Variants in MEF2C observed in about 807,000 individuals in gnomAD.
The protein encoded by MEF2C is myocyte-specific enhancer factor 2C.
In MEF2C, 6 loss-of-function variants were observed where a neutral mutation model predicts 50.5. The ratio of observed to expected loss-of-function variants is 0.12; its 90% CI spans 0.07 to 0.23. The LOEUF (loss-of-function observed/expected upper bound fraction) is 0.23. MEF2C is among the 10% of genes least tolerant of loss of function. MEF2C has a pLI of 1.00. For missense variants in MEF2C, 276 were observed against 605.0 expected, an observed-to-expected ratio of 0.46 and a Z score of 5.70; for synonymous variants, 183 against 228.0, an observed-to-expected ratio of 0.80 and a Z score of 1.78.
At chr5:88,759,446 C>A (rs1034519242) in intron 4 of MEF2C, among the ~76,000 whole-genome samples, 1 of 152,114 alleles carries the variant, frequency 6.6e-6, no homozygotes, top group Admixed American at 6.6e-5. Context: ...CGTGCCATTG[C>A]ACTCCAGCCT....
chr5:88,822,626 C>T (rs1372601313), intron 2 of MEF2C, among the ~76,000 whole-genome samples: 1 of 151,920 alleles, frequency 6.6e-6, no homozygotes, highest in African/African-American at 2.4e-5. Flanking sequence ...TTATAGTTTA[C>T]ACATGAAACA....
rs1755878231 is a variant in MEF2C at position 88,720,330 on chromosome 5, T to G, written c.*2274A>C. On this transcript the variant is annotated 3_prime_UTR_variant, in exon 11 of 11. Transcript: ENST00000504921. ...AGTAGTGGGATATATATGAAATGGTTGATAGATTTTTTTTTTTTAATATAT... is the reference window on the plus strand; with the variant it reads ...AGTAGTGGGATATATATGAAATGGTGGATAGATTTTTTTTTTTTAATATAT... 9.3e-6 allele frequency: 1 copy of G among 107,426 alleles called. No individual in the cohort carries two copies. Among genetic ancestry groups the G allele is most frequent in the South Asian group, 3.5e-4 (1 of 2,850 alleles). 6.7% of individuals were successfully genotyped at this position (107,426 alleles called of 1,614,324 possible). A position where few individuals can be genotyped will look rare whatever the true frequency, so the allele number is the denominator to read the frequency against.
intron 3 of MEF2C, among the ~76,000 whole-genome samples, chr5:88,791,804 G>T (rs1054409911): frequency 2.6e-5 from 4 of 151,786 alleles, no homozygotes; most frequent in Non-Finnish European, 5.9e-5. Flanking sequence ...GTCTTTTAAA[G>T]ATATATAAAC....
chr5:88,812,244 G>C (rs1475504731), intron 2 of MEF2C, among the ~76,000 whole-genome samples: 1 of 152,000 alleles, frequency 6.6e-6, no homozygotes, highest in Non-Finnish European at 1.5e-5. Flanking sequence ...GCTCATTCTT[G>C]TAACCTGACA....
At chr5:88,800,733 A>G (rs773042640) in intron 3 of MEF2C, among the ~76,000 whole-genome samples, 4 of 152,184 alleles carry the variant, frequency 2.6e-5, no homozygotes, top group Non-Finnish European at 4.4e-5. Flanking sequence ...CGTTTTGGGT[A>G]AATATCCCAG....
At chr5:88,850,679 C>CACACACACACGCACACACATAT (rs1820989629) in intron 1 of MEF2C, among the ~76,000 whole-genome samples, 1 of 151,588 alleles carries the variant, frequency 6.6e-6, no homozygotes, top group Non-Finnish European at 1.5e-5. Flanking sequence ...ATCTCTATGA[C>CACACACACACGCACACACATAT]ACACACACAC....
intron 10 of MEF2C, among the ~76,000 whole-genome samples, chr5:88,725,097 T>C (rs911347652): frequency 6.6e-6 from 1 of 152,134 alleles, no homozygotes; most frequent in Admixed American, 6.6e-5. Context: ...GTTTCTTTAA[T>C]ACAGTTTTTG....
At chr5:88,748,040 A>C (rs1464823107) in intron 6 of MEF2C, 2 of 984,096 alleles carry the variant, frequency 2.0e-6, no homozygotes, top group Non-Finnish European at 2.4e-6. Flanking sequence ...CTTGTTTGCT[A>C]ATCACTGTGT....
chr5:88,835,232 G>GA (rs1814605933), intron 1 of MEF2C, among the ~76,000 whole-genome samples: 2 of 152,174 alleles, frequency 1.3e-5, no homozygotes, highest in South Asian at 4.1e-4. Context: ...TAAAATTTGA[G>GA]AAAAAAACAA....
At chr5:88,776,221 T>G (rs527450850) in intron 3 of MEF2C, among the ~76,000 whole-genome samples, 1 of 152,192 alleles carries the variant, frequency 6.6e-6, no homozygotes, top group Non-Finnish European at 1.5e-5. Context: ...AATATTATTT[T>G]AAATTGACAA....
At chr5:88,782,077 T>A (rs1324553144) in intron 3 of MEF2C, 9 of 918,270 alleles carry the variant, frequency 9.8e-6, no homozygotes, top group Non-Finnish European at 1.2e-5. Flanking sequence ...AGACTCTGTC[T>A]AAAAATTAAA....
intron 1 of MEF2C, among the ~76,000 whole-genome samples, chr5:88,832,438 T>G (rs1464595292): frequency 1.3e-5 from 2 of 152,116 alleles, no homozygotes; most frequent in Non-Finnish European, 2.9e-5. Flanking sequence ...TTCTTACCCT[T>G]AATTTCTGCT....
intron 1 of MEF2C, among the ~76,000 whole-genome samples, chr5:88,888,720 GTTTTT>G (rs11331197): frequency 7.0e-6 from 1 of 143,836 alleles, no homozygotes. Flanking sequence ...GTATGGTAAG[GTTTTT>G]TTTTTTTTTT....
At chr5:88,793,804 C>T (rs1794875196) in intron 3 of MEF2C, among the ~76,000 whole-genome samples, 1 of 152,008 alleles carries the variant, frequency 6.6e-6, no homozygotes. Context: ...AGCCCCCCAC[C>T]CCACGACAGG....
intron 3 of MEF2C, chr5:88,772,623 A>G (rs1162433438): frequency 3.4e-6 from 2 of 582,930 alleles, no homozygotes; most frequent in Non-Finnish European, 4.3e-6. Context: ...TTTTTCAAGG[A>G]CCAATTCTGG....
chr5:88,874,464 T>C (rs895439680), intron 1 of MEF2C, among the ~76,000 whole-genome samples: 1 of 151,986 alleles, frequency 6.6e-6, no homozygotes, highest in Non-Finnish European at 1.5e-5. Context: ...ATATATATAT[T>C]AGCATTTACA....
At chr5:88,759,606 T>C (rs1314362144) in intron 4 of MEF2C, among the ~76,000 whole-genome samples, 1 of 152,248 alleles carries the variant, frequency 6.6e-6, no homozygotes, top group Non-Finnish European at 1.5e-5. Flanking sequence ...ATAACAAGTA[T>C]GCATGGCTAC....
At position 88,795,074 on chromosome 5, in the gene MEF2C, C is replaced by T. The variant is rs544870977; in HGVS notation, c.258+9524G>A. On this transcript the variant is annotated intron_variant, in intron 3 of 10. Transcript: ENST00000504921. Reference sequence around the variant, plus strand: ...TGTGGTATAGTTTGAAGTCAGGTAGCGTGATGCCTTCAGCTTTGGTCTTTT... The same window carrying T: ...TGTGGTATAGTTTGAAGTCAGGTAGTGTGATGCCTTCAGCTTTGGTCTTTT... 2.6e-5 allele frequency among the ~76,000 whole-genome samples: 4 copies of T among 152,170 alleles called. No individual in the cohort carries two copies. The East Asian group carries it at 5.8e-4, about 22-fold the overall frequency.
At chr5:88,872,632 AT>A (rs1324280819) in intron 1 of MEF2C, among the ~76,000 whole-genome samples, 1 of 152,060 alleles carries the variant, frequency 6.6e-6, no homozygotes, top group East Asian at 1.9e-4. Flanking sequence ...TATGATAATA[AT>A]TTAATATTTA....
Sources: allele counts gnomAD v4.1 joint callset (sites outside exome capture counted in the v4.1 genomes callset), GRCh38; gene constraint gnomAD v4.1.1; transcripts MANE v1.5; gene names NCBI Gene and HGNC (gene_info 2026-07-23, HGNC 2026-07-21).